Variants in ABCB5 observed in about 807,000 individuals in gnomAD.
The protein encoded by ABCB5 is ATP binding cassette subfamily B member 5.
In ABCB5, 155 loss-of-function variants were observed where a neutral mutation model predicts 144.2. The ratio of observed to expected loss-of-function variants is 1.08; its 90% CI spans 0.94 to 1.23. The LOEUF (loss-of-function observed/expected upper bound fraction) is 1.23, where lower values mean the gene tolerates loss of function less well. Among genes scored for constraint, ABCB5 ranks in the 50% most tolerant of loss-of-function variants. ABCB5 has a pLI of 0.00. For missense variants in ABCB5, 1,830 were observed against 1,520.8 expected (o/e 1.20, Z -3.38); for synonymous variants, 610 against 528.6 (o/e 1.15, Z -2.11).
At chr7:20,663,365 G>A (rs984022791) in intron 14 of ABCB5, among the ~76,000 whole-genome samples, 1 of 152,064 alleles carries the variant, frequency 6.6e-6, no homozygotes, top group Non-Finnish European at 1.5e-5. Context: ...ACAGATAAAT[G>A]GATAAAGAAA....
At chr7:20,701,560 CTG>C in intron 19 of ABCB5, among the ~76,000 whole-genome samples, 1 of 152,192 alleles carries the variant, frequency 6.6e-6, no homozygotes, top group East Asian at 1.9e-4. Flanking sequence ...ATGAGAGAAA[CTG>C]TGGTTAATCT....
At chr7:20,657,649 A>T (rs1784852847) in intron 13 of ABCB5, among the ~76,000 whole-genome samples, 1 of 152,168 alleles carries the variant, frequency 6.6e-6, no homozygotes, top group Non-Finnish European at 1.5e-5. Flanking sequence ...GACATAAGGA[A>T]ACTTACTAGG....
chr7:20,671,518 C>T (rs1427281859), intron 14 of ABCB5, among the ~76,000 whole-genome samples: 2 of 152,160 alleles, frequency 1.3e-5, no homozygotes, highest in African/African-American at 4.8e-5. Context: ...TGCTTACTGC[C>T]ACTAGAGATT....
chr7:20,749,577 G>A lies in ABCB5; in HGVS notation c.3430-3783G>A, dbSNP rs148581043. Among the ~76,000 whole-genome samples the A allele has an allele frequency of 4.6e-5, 7 of 151,876 alleles. No homozygotes were observed. In the South Asian group the frequency reaches 1.5e-3, roughly 32 times the overall value. On this transcript the variant is annotated intron_variant, in intron 26 of 27. Coordinates refer to ENST00000404938, the MANE Select transcript of ABCB5 (RefSeq NM_001163941.2). Reference sequence around the variant, plus strand: ...TTTAGTCACTCAACACACAGCTACTGAGCATTTCTTTGCAAACCACTGGGC... The same window carrying A: ...TTTAGTCACTCAACACACAGCTACTAAGCATTTCTTTGCAAACCACTGGGC...
chr7:20,648,215 G>C (rs1047364484), intron 11 of ABCB5, 137 bp downstream of exon 11: 1 of 612,264 alleles, frequency 1.6e-6, no homozygotes, highest in Admixed American at 3.0e-5. Flanking sequence ...TGAGGAGGTA[G>C]ATAAATAATG....
intron 4 of ABCB5, among the ~76,000 whole-genome samples, chr7:20,631,571 C>T (rs990391566): frequency 1.3e-5 from 2 of 152,094 alleles, no homozygotes; most frequent in Non-Finnish European, 2.9e-5. Context: ...ACAGAGAAAA[C>T]TTATAACCTT....
rs550803161 is a variant in ABCB5 at position 20,722,332 on chromosome 7, T to C, written c.2422-684T>C. On this transcript the variant is annotated intron_variant, in intron 20 of 27. Coordinates refer to ENST00000404938, the MANE Select transcript of ABCB5 (RefSeq NM_001163941.2). ...GAGAAGACAAAGGAAATCCTGTAACTTCAGCTTTCAACACACTCAACTTGC... is the reference window on the plus strand; with the variant it reads ...GAGAAGACAAAGGAAATCCTGTAACCTCAGCTTTCAACACACTCAACTTGC... Among the ~76,000 whole-genome samples the C allele has an allele frequency of 1.4e-3, 209 of 152,286 alleles. 1 individual carries two copies. The highest frequency in any genetic ancestry group is 4.9e-3 in the African/African-American group (202 of 41,576).
chr7:20,630,955 GTATAT>G (rs1206118786), intron 4 of ABCB5, among the ~76,000 whole-genome samples: 2 of 152,068 alleles, frequency 1.3e-5, no homozygotes, highest in Non-Finnish European at 2.9e-5. Flanking sequence ...GATATTACTG[GTATAT>G]TATAACACAT....
chr7:20,646,881 G>A (rs182164929), intron 9 of ABCB5, among the ~76,000 whole-genome samples: 5 of 152,244 alleles, frequency 3.3e-5, no homozygotes, highest in African/African-American at 9.6e-5. Context: ...TTCATATAAA[G>A]TGAAATGTGA....
At position 20,650,031 on chromosome 7, in the gene ABCB5, G is replaced by T; in HGVS notation, c.1216G>T (p.Gly406Cys). The T allele has an allele frequency of 6.2e-7, 1 of 1,612,044 alleles. No homozygotes were observed. Among genetic ancestry groups the T allele is most frequent in the South Asian group, 1.1e-5 (1 of 90,782 alleles). Residue 406 changes from glycine to cysteine, a missense_variant, in exon 12 of 28, where the codon GGT becomes TGT. Coordinates refer to ENST00000404938, the MANE Select transcript of ABCB5 (RefSeq NM_001163941.2). ...PSRPSIKILK[G>C]LNLRIKSGET... The stretch of plus-strand genomic sequence containing the variant: ...CCATACATTCCAATAGATTCTGAAA[G>T]GTCTGAATCTCAGAATTAAGTCTGG...
At chr7:20,716,631 G>A (rs1449140040) in intron 20 of ABCB5, among the ~76,000 whole-genome samples, 1 of 152,146 alleles carries the variant, frequency 6.6e-6, no homozygotes, top group Admixed American at 6.5e-5. Flanking sequence ...CATTAAAGAT[G>A]AATTGTGGGG....
chr7:20,721,128 C>G lies in ABCB5; in HGVS notation c.2422-1888C>G, dbSNP rs146741106. On this transcript the variant is annotated intron_variant, in intron 20 of 27. Transcript: ENST00000404938. ...GCATTAAACGATAGTTATGTAGTTT[C>G]CTGATTTTGATCATGGTATTTTGGA... 2.0e-3 allele frequency among the ~76,000 whole-genome samples: 298 copies of G among 152,156 alleles called. 2 individuals carry two copies. Among genetic ancestry groups the G allele is most frequent in the African/African-American group, 6.9e-3 (288 of 41,508 alleles).
intron 16 of ABCB5, among the ~76,000 whole-genome samples, chr7:20,694,904 C>T (rs1450781260): frequency 6.6e-6 from 1 of 151,910 alleles, no homozygotes; most frequent in Non-Finnish European, 1.5e-5. Context: ...AAAACCCACA[C>T]ACTGCAATCT....
chr7:20,696,736 C>T (rs1388306462), intron 16 of ABCB5, among the ~76,000 whole-genome samples: 1 of 152,020 alleles, frequency 6.6e-6, no homozygotes, highest in Non-Finnish European at 1.5e-5. Context: ...GCATGTACAA[C>T]CTGTCTCATA....
rs560751789 is a variant in ABCB5, at chr7:20,651,632, A to C, written c.1536+9A>C. ...TCATGGAGTTTCCTAATGTGAGTACACTGTGCAGCCTGTGTCCTTAGCTTA... is the reference window on the plus strand; with the variant it reads ...TCATGGAGTTTCCTAATGTGAGTACCCTGTGCAGCCTGTGTCCTTAGCTTA... On this transcript the variant is annotated intron_variant, in intron 13 of 27. Transcript: ENST00000404938. The C allele has an allele frequency of 2.2e-4, 362 of 1,613,794 alleles. 4 individuals are homozygous for C. In the Middle Eastern group the frequency reaches 5.6e-3, roughly 25 times the overall value.
At chr7:20,752,028 G>A (rs76916500) in intron 26 of ABCB5, among the ~76,000 whole-genome samples, 3,026 of 152,250 alleles carry the variant, frequency 0.02, 118 homozygotes, top group African/African-American at 0.068. Flanking sequence ...CCACAGGTTC[G>A]TGACACCAAC....
At position 20,727,145 on chromosome 7, in the gene ABCB5, T is replaced by G; in HGVS notation, c.2726+5T>G. 6.2e-7 allele frequency: 1 copy of G among 1,609,534 alleles called. No homozygotes were observed. Among genetic ancestry groups the G allele is most frequent in the Non-Finnish European group, 8.5e-7 (1 of 1,177,004 alleles). ...GATGCTTCAGACTCAACACAGGTGA[T>G]TATAGATTCATACTGACTTCAAAAA... On this transcript the variant is annotated splice_donor_5th_base_variant and intron_variant, in intron 22 of 27. Transcript: ENST00000404938.
At chr7:20,686,741 C>T (rs140213981) in intron 16 of ABCB5, among the ~76,000 whole-genome samples, 27 of 152,230 alleles carry the variant, frequency 1.8e-4, no homozygotes, top group African/African-American at 6.0e-4. Context: ...CACACCTATC[C>T]TTGGCCCATT....
At chr7:20,660,686 G>C (rs1784974662) in intron 14 of ABCB5, among the ~76,000 whole-genome samples, 1 of 152,118 alleles carries the variant, frequency 6.6e-6, no homozygotes, top group Non-Finnish European at 1.5e-5. Context: ...CTGTCTAAGA[G>C]GCCCCAGACT....
Sources: allele counts gnomAD v4.1 joint callset (sites outside exome capture counted in the v4.1 genomes callset), GRCh38; gene constraint gnomAD v4.1.1; transcripts MANE v1.5; gene names NCBI Gene and HGNC (gene_info 2026-07-23, HGNC 2026-07-21).